MBD2: variants seen among roughly 807,000 people sequenced by gnomAD.
MBD2 encodes methyl-CpG binding domain protein 2.
MBD2 carries 9 observed loss-of-function variants against 39.3 expected under a neutral mutation model. The ratio of observed to expected loss-of-function variants is 0.23; its 90% CI spans 0.14 to 0.40. The LOEUF (loss-of-function observed/expected upper bound fraction) is 0.40. Ranked by LOEUF, MBD2 falls within the 10% of genes least tolerant of loss-of-function variation. The pLI, the probability that MBD2 is intolerant of heterozygous loss-of-function variation, is 1.00. For synonymous variants in MBD2, 233 were observed against 211.1 expected, an observed-to-expected ratio of 1.10 and a Z score of -0.90; for missense variants, 458 against 532.6, an observed-to-expected ratio of 0.86 and a Z score of 1.38.
chr18:54,152,838 TC>T lies in MBD2; in HGVS notation c.*2485del, dbSNP rs2086030105. The T allele has an allele frequency of 6.6e-6, 1 of 152,288 alleles. No homozygotes were observed. The highest frequency in any genetic ancestry group is 2.4e-5 in the African/African-American group (1 of 41,544). 9.4% of individuals were successfully genotyped at this position (152,288 alleles called of 1,614,324 possible). On this transcript the variant is annotated 3_prime_UTR_variant, in exon 7 of 7. Coordinates refer to ENST00000256429, the MANE Select transcript of MBD2 (RefSeq NM_003927.5). Reference sequence around the variant, plus strand: ...AACTCTATGAGGTAGGTATTATTATTCCTATTTCACTGAGGAGGGACAGGCT... The same window carrying T: ...AACTCTATGAGGTAGGTATTATTATTCTATTTCACTGAGGAGGGACAGGCT...
intron 6 of MBD2, among the ~76,000 whole-genome samples, chr18:54,157,976 C>T (rs1224948532): frequency 1.3e-5 from 2 of 152,206 alleles, no homozygotes; most frequent in East Asian, 3.9e-4. Flanking sequence ...GAGACTACCG[C>T]AGCAACATCC....
chr18:54,212,857 C>CA (rs938425038), intron 1 of MBD2, among the ~76,000 whole-genome samples: 157 of 74,962 alleles, frequency 2.1e-3, no homozygotes, highest in African/African-American at 0.011. Context: ...AGGCGAAACT[C>CA]AGTCTCTACA....
chr18:54,188,904 G>A lies in MBD2; in HGVS notation c.810C>T (p.Asp270=), dbSNP rs200843117. ...GTGGCTGTTCATTCATTCGTTGTGG[G>A]TCTGATTTCACTTTATTACTAGGAT... ...TNHPSNKVKS[D]PQRMNEQPRQ... The change falls in exon 3 of 7, where the codon GAC becomes GAT. Residue 270 remains aspartate (D), a synonymous_variant. Transcript: ENST00000256429. The A allele has an allele frequency of 1.4e-5, 22 of 1,607,948 alleles. No individual in the cohort carries two copies. In the Admixed American group the frequency reaches 3.0e-4, roughly 22 times the overall value.
intron 3 of MBD2, among the ~76,000 whole-genome samples, chr18:54,185,183 T>C (rs1236896101): frequency 6.6e-6 from 1 of 152,138 alleles, no homozygotes; most frequent in Non-Finnish European, 1.5e-5. Context: ...ATTTAAAACA[T>C]TCCTTCTAAA....
chr18:54,207,541 T>A (rs1325840536), intron 1 of MBD2, among the ~76,000 whole-genome samples: 1 of 152,226 alleles, frequency 6.6e-6, no homozygotes, highest in African/African-American at 2.4e-5. Flanking sequence ...AGTTCAATAC[T>A]AAAGGATGTA....
intron 3 of MBD2, among the ~76,000 whole-genome samples, chr18:54,178,712 T>C (rs1437180884): frequency 1.3e-5 from 2 of 152,172 alleles, no homozygotes; most frequent in South Asian, 4.1e-4. Context: ...TGAATTTCAA[T>C]GAGGAAAAGC....
intron 5 of MBD2, among the ~76,000 whole-genome samples, chr18:54,161,609 G>A (rs2086098872): frequency 6.6e-6 from 1 of 152,192 alleles, no homozygotes; most frequent in South Asian, 2.1e-4. Flanking sequence ...TAATTTGGAT[G>A]GAGAATTTTA....
Position 54,196,921 on chromosome 18 carries a change from T to C in MBD2, c.703-7910A>G, listed in dbSNP as rs560556783. 6.0e-4 allele frequency among the ~76,000 whole-genome samples: 92 copies of C among 152,336 alleles called. No homozygotes were observed. In the South Asian group the frequency reaches 8.7e-3, roughly 14 times the overall value. ...TTCCTAGCAATCGCTATCCAATCAATAGCTACATGACTCAAATTAGCCAAA... is the reference window on the plus strand; with the variant it reads ...TTCCTAGCAATCGCTATCCAATCAACAGCTACATGACTCAAATTAGCCAAA... On this transcript the variant is annotated intron_variant, in intron 2 of 6. Transcript: ENST00000256429.
intron 5 of MBD2, 42 bp downstream of exon 5, chr18:54,164,481 C>T (rs371884184): frequency 1.2e-5 from 19 of 1,567,328 alleles, no homozygotes; most frequent in Non-Finnish European, 1.7e-5. Flanking sequence ...TTTACCCAAA[C>T]GTAAAAACCC....
intron 6 of MBD2, 56 bp from the exon 7 acceptor site, chr18:54,155,367 GA>G (rs1223728601): frequency 2.0e-5 from 3 of 151,146 alleles, no homozygotes; most frequent in Non-Finnish European, 4.4e-5. Flanking sequence ...TTTATCAGGT[GA>G]GAGGTCAGCA....
chr18:54,206,128 C>T (rs1039022738), intron 1 of MBD2, among the ~76,000 whole-genome samples: 3 of 152,160 alleles, frequency 2.0e-5, no homozygotes, highest in African/African-American at 7.2e-5. Flanking sequence ...TGTGAACATG[C>T]TTGTACAATG....
intron 3 of MBD2, among the ~76,000 whole-genome samples, chr18:54,182,683 A>C (rs1267228861): frequency 6.6e-6 from 1 of 152,150 alleles, no homozygotes; most frequent in Non-Finnish European, 1.5e-5. Context: ...TGCAATATGA[A>C]GAGTGAAGTA....
At chr18:54,162,954 G>T (rs1018613149) in intron 5 of MBD2, among the ~76,000 whole-genome samples, 2 of 151,980 alleles carry the variant, frequency 1.3e-5, no homozygotes, top group African/African-American at 4.8e-5. Context: ...TGTCAACTTT[G>T]TATGGATTTT....
intron 1 of MBD2, among the ~76,000 whole-genome samples, chr18:54,211,114 G>GCC (rs2086502344): frequency 6.6e-6 from 1 of 151,340 alleles, no homozygotes. Context: ...CTCGTGATCC[G>GCC]CCCGCCTCGG....
chr18:54,169,126 T>TCAGC (rs2086160138), intron 3 of MBD2, among the ~76,000 whole-genome samples: 1 of 152,166 alleles, frequency 6.6e-6, no homozygotes, highest in South Asian at 2.1e-4. Flanking sequence ...CAACAAAGGC[T>TCAGC]CAGCACAAGC....
At chr18:54,185,683 T>C (rs1282075188) in intron 3 of MBD2, among the ~76,000 whole-genome samples, 1 of 152,162 alleles carries the variant, frequency 6.6e-6, no homozygotes, top group Non-Finnish European at 1.5e-5. Flanking sequence ...ATTTCAGTGA[T>C]TACTGTTTGG....
intron 6 of MBD2, among the ~76,000 whole-genome samples, chr18:54,157,090 CA>C (rs1453519639): frequency 6.6e-6 from 1 of 152,080 alleles, no homozygotes; most frequent in Non-Finnish European, 1.5e-5. Context: ...ACAGTAGAAA[CA>C]CACTTCAGAC....
intron 2 of MBD2, among the ~76,000 whole-genome samples, chr18:54,194,557 G>GTGTATATATATATATATATATA (rs565457822): frequency 3.4e-5 from 5 of 148,712 alleles, no homozygotes; most frequent in African/African-American, 1.2e-4. Flanking sequence ...GTGTGTGTGT[G>GTGTATATATATATATATATATA]TATATATATA....
At chr18:54,185,451 A>G (rs1036908278) in intron 3 of MBD2, among the ~76,000 whole-genome samples, 1 of 152,198 alleles carries the variant, frequency 6.6e-6, no homozygotes, top group African/African-American at 2.4e-5. Flanking sequence ...AATAGTTCAA[A>G]GATGAAGCTT....
Sources: gnomAD v4.1 joint callset for allele counts (sites outside exome capture counted in the v4.1 genomes callset) on GRCh38, gnomAD v4.1.1 for gene constraint, MANE v1.5 for transcripts, NCBI Gene and HGNC (gene_info 2026-07-23, HGNC 2026-07-21) for gene names.